The following DGAT2L6 variants were observed in gnomAD, a reference collection of about 807,000 sequenced individuals.
DGAT2L6 encodes diacylglycerol O-acyltransferase 2-like protein 6.
In DGAT2L6, 22 loss-of-function variants were observed where a neutral mutation model predicts 25.5. The ratio of observed to expected loss-of-function variants is 0.86; its 90% CI spans 0.62 to 1.23. DGAT2L6 has a LOEUF of 1.23. DGAT2L6 is among the 50% of genes most tolerant of loss of function. The pLI is 0.00. For missense variants in DGAT2L6, 287 were observed against 253.2 expected, an observed-to-expected ratio of 1.13 and a Z score of -0.91; for synonymous variants, 100 against 94.7, an observed-to-expected ratio of 1.06 and a Z score of -0.32.
At chrX:70,197,556 G>A (rs12689032) in intron 1 of DGAT2L6, among the ~76,000 whole-genome samples, 16,595 of 111,473 alleles carry the variant, frequency 0.15, 1,144 homozygotes, top group Middle Eastern at 0.21. Context: ...CACTATACAT[G>A]CTGACTAAAT....
intron 1 of DGAT2L6, 98 bp from the exon 2 acceptor site, chrX:70,199,173 A>C (rs1422262566): frequency 2.0e-6 from 1 of 508,117 alleles, no homozygotes; most frequent in African/African-American, 2.4e-5. Flanking sequence ...ACATCAGCCT[A>C]GCCCTGCTCC....
At chrX:70,190,366 C>A (rs2085372047) in intron 1 of DGAT2L6, among the ~76,000 whole-genome samples, 1 of 111,679 alleles carries the variant, frequency 9.0e-6, no homozygotes, top group Admixed American at 9.5e-5. Flanking sequence ...ATCCATGGAC[C>A]AAAGTACCTT....
chrX:70,188,344 T>C (rs1326677397), intron 1 of DGAT2L6, among the ~76,000 whole-genome samples: 1 of 111,329 alleles, frequency 9.0e-6, no homozygotes, highest in East Asian at 2.8e-4. Context: ...AAATATATGA[T>C]GCAAAAACTG....
chrX:70,203,980 G>A (rs1018275120), intron 5 of DGAT2L6, among the ~76,000 whole-genome samples: 8 of 111,204 alleles, frequency 7.2e-5, no homozygotes, highest in Non-Finnish European at 1.3e-4. Context: ...GCAGCATGGT[G>A]CAAACTGAGG....
chrX:70,187,067 G>T (rs1935508716), intron 1 of DGAT2L6, among the ~76,000 whole-genome samples: 1 of 111,954 alleles, frequency 8.9e-6, no homozygotes, highest in Non-Finnish European at 1.9e-5. Flanking sequence ...ACCCATAGCT[G>T]AAGGGCAGAC....
At chrX:70,185,878 G>GT (rs34139264) in intron 1 of DGAT2L6, among the ~76,000 whole-genome samples, 1,396 of 94,769 alleles carry the variant, frequency 0.015, 18 homozygotes, top group African/African-American at 0.045. Context: ...TTGTTTTTTT[G>GT]TTTTTTTTTT....
chrX:70,202,757 G>T lies in DGAT2L6; in HGVS notation c.647+693G>T, dbSNP rs887713478. Among the ~76,000 whole-genome samples, 5 of 111,037 alleles carry T rather than the reference G, an allele frequency of 4.5e-5. 1 individual carries two copies. Among genetic ancestry groups the T allele is most frequent in the Admixed American group, 1.9e-4 (2 of 10,433 alleles). ...TCTATTCCCACCTCCCCCACCCCAAGAGTCTATTCCCAGCTTCAGCCAGGA... is the reference window on the plus strand; with the variant it reads ...TCTATTCCCACCTCCCCCACCCCAATAGTCTATTCCCAGCTTCAGCCAGGA... On this transcript the variant is annotated intron_variant, in intron 5 of 6. Coordinates refer to ENST00000333026, the MANE Select transcript of DGAT2L6 (RefSeq NM_198512.3).
chrX:70,191,151 A>G (rs2147605731), intron 1 of DGAT2L6, among the ~76,000 whole-genome samples: 1 of 112,770 alleles, frequency 8.9e-6, no homozygotes, highest in African/African-American at 3.2e-5. Flanking sequence ...GAAAACTAGT[A>G]TAATTCCAGT....
At chrX:70,184,021 C>T (rs1398978856) in intron 1 of DGAT2L6, among the ~76,000 whole-genome samples, 1 of 111,265 alleles carries the variant, frequency 9.0e-6, no homozygotes, top group Admixed American at 9.5e-5. Flanking sequence ...GCCTGGGTGA[C>T]AGAGTGAGAT....
chrX:70,203,374 G>C (rs1269154248), intron 5 of DGAT2L6, among the ~76,000 whole-genome samples: 1 of 112,208 alleles, frequency 8.9e-6, no homozygotes, highest in Non-Finnish European at 1.9e-5. Flanking sequence ...CAATGGAAAT[G>C]TGTACAAAGT....
At chrX:70,204,830 G>A (rs1055948781) in intron 6 of DGAT2L6, 122 bp from the exon 7 acceptor site, 1 of 819,558 alleles carries the variant, frequency 1.2e-6, no homozygotes, top group East Asian at 3.5e-5. Context: ...GGAGCAAAGG[G>A]AAAGAAAGAA....
At chrX:70,183,711 C>T (rs1345009438) in intron 1 of DGAT2L6, among the ~76,000 whole-genome samples, 1 of 111,304 alleles carries the variant, frequency 9.0e-6, no homozygotes, top group Non-Finnish European at 1.9e-5. Flanking sequence ...TGGGCCTGCC[C>T]TCTTTCTCTG....
intron 1 of DGAT2L6, among the ~76,000 whole-genome samples, chrX:70,191,388 A>C (rs2085375059): frequency 8.9e-6 from 1 of 112,058 alleles, no homozygotes; most frequent in Non-Finnish European, 1.9e-5. Flanking sequence ...TAAAAGAAAG[A>C]GTTTCAATAG....
rs1175520459 is a variant in DGAT2L6, at chrX:70,177,493, G to A, written c.-90G>A. On this transcript the variant is annotated 5_prime_UTR_variant, in exon 1 of 7. Coordinates refer to ENST00000333026, the MANE Select transcript of DGAT2L6 (RefSeq NM_198512.3). ...CAGCTAATCTTACTCCACAGTAAGA[G>A]ATTATAGCAAAGCATCTATAATCAA... 4.4e-6 allele frequency: 4 copies of A among 900,208 alleles called. No homozygotes were observed. The African/African-American group carries it at 7.9e-5, about 18-fold the overall frequency. 74.2% of individuals were successfully genotyped at this position (900,208 alleles called of 1,213,427 possible).
At chrX:70,196,503 G>GAAAAAAAAAAAAAAAAAAAAAAAA in intron 1 of DGAT2L6, among the ~76,000 whole-genome samples, 1 of 70,585 alleles carries the variant, frequency 1.4e-5, no homozygotes, top group Non-Finnish European at 2.8e-5. Flanking sequence ...AAAAAAAAAA[G>GAAAAAAAAAAAAAAAAAAAAAAAA]AAAGAAAAAA....
intron 5 of DGAT2L6, among the ~76,000 whole-genome samples, chrX:70,203,152 C>T (rs902220113): frequency 7.1e-5 from 8 of 112,080 alleles, no homozygotes; most frequent in South Asian, 7.3e-4. Flanking sequence ...TATTTTTTGC[C>T]GGTTACACTT....
intron 1 of DGAT2L6, among the ~76,000 whole-genome samples, chrX:70,185,880 T>G (rs1419635166): frequency 4.4e-5 from 3 of 68,070 alleles, no homozygotes; most frequent in South Asian, 5.1e-4. Flanking sequence ...GTTTTTTTGT[T>G]TTTTTTTTTT....
chrX:70,204,241 C>A, intron 5 of DGAT2L6, 64 bp from the exon 6 acceptor site: 1 of 1,027,485 alleles, frequency 9.7e-7, no homozygotes, highest in Non-Finnish European at 1.3e-6. Context: ...GGTTTCCCAC[C>A]TTGGAGAGGA....
intron 6 of DGAT2L6, 98 bp downstream of exon 6, chrX:70,204,614 G>A (rs2085422428): frequency 1.0e-6 from 1 of 995,185 alleles, no homozygotes; most frequent in Non-Finnish European, 1.4e-6. Context: ...CTCACATCTG[G>A]GATGGGCAAT....
Sources: allele counts gnomAD v4.1 joint callset (sites outside exome capture counted in the v4.1 genomes callset), GRCh38; gene constraint gnomAD v4.1.1; transcripts MANE v1.5; gene names NCBI Gene and HGNC (gene_info 2026-07-23, HGNC 2026-07-21).